The following PDE1C variants were observed in gnomAD, a reference collection of about 807,000 sequenced individuals.
PDE1C encodes dual specificity calcium/calmodulin-dependent 3',5'-cyclic nucleotide phosphodiesterase 1C.
In PDE1C, 62 loss-of-function variants were observed where a neutral mutation model predicts 93.1. The ratio of observed to expected loss-of-function variants is 0.67; its 90% CI spans 0.54 to 0.82. The LOEUF is 0.82. Ranked by LOEUF, PDE1C falls within the 40% of genes least tolerant of loss-of-function variation. PDE1C has a pLI of 0.00. For synonymous variants in PDE1C, 325 were observed against 310.1 expected (o/e 1.05, Z -0.50); for missense variants, 742 against 884.6 (o/e 0.84, Z 2.04).
At position 31,934,695 on chromosome 7, in the gene PDE1C, G is replaced by T. The variant is rs150026232; in HGVS notation, c.129-53835C>A. ...TGTAAAGTTATCTGATTTGTGGTAC[G>T]TTTGAGGAAGGGTAATCTCCTCTTA... On this transcript the variant is annotated intron_variant, in intron 2 of 17. Transcript: ENST00000396191. 2.5e-3 allele frequency among the ~76,000 whole-genome samples: 383 copies of T among 152,166 alleles called. 3 individuals are homozygous for T. Among genetic ancestry groups the T allele is most frequent in the African/African-American group, 8.6e-3 (358 of 41,538 alleles).
At chr7:31,697,487 G>A in the PDE1C span, among the ~76,000 whole-genome samples, 1 of 152,188 alleles carries the variant, frequency 6.6e-6, no homozygotes, top group East Asian at 1.9e-4. Flanking sequence ...TGGACTAATT[G>A]GCCAAATCCT....
At chr7:32,002,082 A>G (rs562479706) in intron 2 of PDE1C, among the ~76,000 whole-genome samples, 63 of 152,228 alleles carry the variant, frequency 4.1e-4, no homozygotes, top group African/African-American at 1.4e-3. Context: ...ACCGCAATAG[A>G]TCTGACTTAG....
exon 3 of PDE1C, chr7:32,169,794 G>A: frequency 6.2e-7 from 1 of 1,612,410 alleles, no homozygotes; most frequent in African/African-American, 1.3e-5. Context: ...CCTGAAGGAT[G>A]TCTTCACCAA....
At chr7:32,089,385 G>A (rs1037984381) in intron 3 of PDE1C, among the ~76,000 whole-genome samples, 2 of 152,200 alleles carry the variant, frequency 1.3e-5, no homozygotes, top group African/African-American at 4.8e-5. Context: ...GTATTTTGGT[G>A]TGAGTTGAGA....
chr7:31,891,636 G>A (rs1266114471), intron 2 of PDE1C, among the ~76,000 whole-genome samples: 1 of 152,086 alleles, frequency 6.6e-6, no homozygotes, highest in Non-Finnish European at 1.5e-5. Flanking sequence ...TAAAATGGAG[G>A]ACAAGATTAG....
intron 1 of PDE1C, among the ~76,000 whole-genome samples, chr7:32,280,345 A>G (rs1441282009): frequency 6.6e-6 from 1 of 152,208 alleles, no homozygotes; most frequent in Non-Finnish European, 1.5e-5. Context: ...ACTGAAATAC[A>G]AGAAGAAATT....
chr7:31,647,399 C>A, the PDE1C span, among the ~76,000 whole-genome samples: 1 of 151,920 alleles, frequency 6.6e-6, no homozygotes, highest in South Asian at 2.1e-4. Flanking sequence ...TGGTGGCTCA[C>A]GCCTGTAATC....
chr7:32,397,103 G>A (rs1784851836), intron 1 of PDE1C, among the ~76,000 whole-genome samples: 1 of 151,958 alleles, frequency 6.6e-6, no homozygotes, highest in African/African-American at 2.4e-5. Flanking sequence ...AAATCCAGAT[G>A]CAATAAAGGA....
intron 1 of PDE1C, among the ~76,000 whole-genome samples, chr7:32,416,352 G>A (rs536518058): frequency 1.3e-5 from 2 of 152,324 alleles, no homozygotes; most frequent in African/African-American, 4.8e-5. Context: ...TGCCCTGGAA[G>A]AGGGAAGGAT....
the PDE1C span, among the ~76,000 whole-genome samples, chr7:31,717,262 A>T: frequency 2.6e-5 from 4 of 152,272 alleles, no homozygotes; most frequent in Admixed American, 6.5e-5. Context: ...ACATTTATTT[A>T]AAAAGTTAGT....
At chr7:32,031,300 T>G (rs1002314778) in intron 2 of PDE1C, among the ~76,000 whole-genome samples, 2 of 152,180 alleles carry the variant, frequency 1.3e-5, no homozygotes, top group Non-Finnish European at 2.9e-5. Context: ...CTTAAAATGT[T>G]AGATAATTTT....
intron 1 of PDE1C, among the ~76,000 whole-genome samples, chr7:32,278,512 C>T (rs1378414255): frequency 1.3e-5 from 2 of 152,166 alleles, no homozygotes; most frequent in African/African-American, 4.8e-5. Flanking sequence ...AGATTCACAT[C>T]TACTCACATG....
chr7:32,362,476 AT>A (rs1355073252), intron 1 of PDE1C, among the ~76,000 whole-genome samples: 2 of 151,782 alleles, frequency 1.3e-5, no homozygotes, highest in Admixed American at 6.6e-5. Flanking sequence ...TATCCCCACT[AT>A]TTTTTCCCTC....
chr7:31,974,652 C>G (rs1811414477), intron 2 of PDE1C, among the ~76,000 whole-genome samples: 1 of 152,094 alleles, frequency 6.6e-6, no homozygotes, highest in Non-Finnish European at 1.5e-5. Context: ...GGAGGGCTAG[C>G]CAAGCCTCTG....
intron 3 of PDE1C, among the ~76,000 whole-genome samples, chr7:32,083,257 G>A (rs949837979): frequency 3.3e-5 from 5 of 151,280 alleles, no homozygotes; most frequent in Non-Finnish European, 5.9e-5. Context: ...ATCAGTGATG[G>A]AAGATGAAAT....
chr7:32,302,380 C>A (rs996070159), upstream of PDE1C, among the ~76,000 whole-genome samples: 2 of 152,172 alleles, frequency 1.3e-5, no homozygotes, highest in East Asian at 3.9e-4. Context: ...ATAGCTAAGA[C>A]TAATTAGGTT....
intron 1 of PDE1C, among the ~76,000 whole-genome samples, chr7:32,246,417 A>G (rs1048010733): frequency 5.3e-5 from 8 of 152,116 alleles, no homozygotes; most frequent in Admixed American, 5.2e-4. Context: ...TCCTACCCCC[A>G]AGCCAACTAG....
intron 16 of PDE1C, among the ~76,000 whole-genome samples, chr7:31,794,110 GGGCA>G (rs1309241985): frequency 8.1e-6 from 1 of 123,372 alleles, no homozygotes; most frequent in Non-Finnish European, 1.7e-5. Flanking sequence ...ACAGATAGAT[GGGCA>G]GGCGGGCAGG....
At chr7:31,643,362 T>G in the PDE1C span, 1 of 1,613,894 alleles carries the variant, frequency 6.2e-7, no homozygotes, top group Middle Eastern at 1.6e-4. Context: ...AAAAGCTCAT[T>G]CCCCACCTCC....
Sources: gnomAD v4.1 joint callset for allele counts (sites outside exome capture counted in the v4.1 genomes callset) on GRCh38, gnomAD v4.1.1 for gene constraint, MANE v1.5 for transcripts, NCBI Gene and HGNC (gene_info 2026-07-23, HGNC 2026-07-21) for gene names.